TTLL6: variants seen among roughly 807,000 people sequenced by gnomAD.
The protein encoded by TTLL6 is tubulin tyrosine ligase like 6.
In TTLL6, 75 loss-of-function variants were observed where a neutral mutation model predicts 96.4. The observed-to-expected ratio is 0.78, with a 90% CI of 0.65 to 0.94. TTLL6 has a LOEUF of 0.94. TTLL6 is among the 40% of genes least tolerant of loss of function. The pLI is 0.00. For missense variants in TTLL6, 1,030 were observed against 1,093.0 expected (o/e 0.94, Z 0.81); for synonymous variants, 411 against 419.4 (o/e 0.98, Z 0.24).
At chr17:48,792,126 G>A (rs891074494) in intron 8 of TTLL6, among the ~76,000 whole-genome samples, 1 of 152,158 alleles carries the variant, frequency 6.6e-6, no homozygotes. Flanking sequence ...CACAGATAAG[G>A]TTACCAACTG....
At chr17:48,776,498 A>G (rs1303742325) in intron 13 of TTLL6, among the ~76,000 whole-genome samples, 1 of 152,226 alleles carries the variant, frequency 6.6e-6, no homozygotes, top group Admixed American at 6.5e-5. Context: ...AAGATAGTAT[A>G]CATTAATCAT....
intron 15 of TTLL6, among the ~76,000 whole-genome samples, chr17:48,766,424 G>A (rs554957933): frequency 2.0e-5 from 3 of 152,140 alleles, no homozygotes; most frequent in Admixed American, 6.5e-5. Context: ...TAAATTCAAC[G>A]GTCAATGCAG....
In TTLL6 at chr17:48,817,115, C is replaced by T; in HGVS notation, c.-43G>A. 1 of 1,475,850 alleles carries T rather than the reference C, an allele frequency of 6.8e-7. No homozygotes were observed. Among genetic ancestry groups the T allele is most frequent in the Non-Finnish European group, 9.1e-7 (1 of 1,097,578 alleles). The allele number at this position is 1,475,850 out of a possible 1,614,324, so 91.4% of individuals were successfully genotyped here. On this transcript the variant is annotated 5_prime_UTR_variant, in exon 1 of 16. Coordinates refer to ENST00000393382, the MANE Select transcript of TTLL6 (RefSeq NM_001130918.3). ...CAACCCCAACCCGCGCTCGCCCTAA[C>T]TTTGGGTCCGCCCGGCCCTCATATT...
chr17:48,786,020 G>C (rs191899896), intron 12 of TTLL6, 144 bp downstream of exon 12: 1 of 1,247,806 alleles, frequency 8.0e-7, no homozygotes, highest in Non-Finnish European at 1.1e-6. Context: ...AGGGCTCCCC[G>C]CACCGCCCCG....
intron 13 of TTLL6, among the ~76,000 whole-genome samples, chr17:48,775,566 A>G (rs1419272107): frequency 7.0e-6 from 1 of 142,240 alleles, no homozygotes; most frequent in African/African-American, 2.7e-5. Context: ...TTTGAGACAG[A>G]GTTTTGCTCT....
chr17:48,801,336 A>G lies in TTLL6; in HGVS notation c.530T>C (p.Leu177Pro). The G allele has an allele frequency of 6.4e-7, 1 of 1,551,684 alleles. No individual in the cohort carries two copies. Among genetic ancestry groups the G allele is most frequent in the Non-Finnish European group, 8.7e-7 (1 of 1,146,992 alleles). ...GMSEICRKDL[L>P]ARNMSRMLKM... ...TAACATGCGGCTCATGTTCCTGGCC[A>G]GCAAGTCCTTCCGGCAGATTTCACT... The change falls in exon 5 of 16, where the codon CTG becomes CCG. Residue 177 changes from leucine (L) to proline (P), a missense_variant. By Grantham distance (98) the Leu-to-Pro change is moderately conservative (BLOSUM62 -3). Transcript: ENST00000393382.
At chr17:48,809,369 T>G (rs777074758) in intron 1 of TTLL6, among the ~76,000 whole-genome samples, 1 of 152,148 alleles carries the variant, frequency 6.6e-6, no homozygotes, top group African/African-American at 2.4e-5. Context: ...CTAGCTCCAC[T>G]CCCCTAGCCC....
chr17:48,785,644 A>G (rs903408357), intron 12 of TTLL6, among the ~76,000 whole-genome samples: 1 of 152,150 alleles, frequency 6.6e-6, no homozygotes, highest in Non-Finnish European at 1.5e-5. Flanking sequence ...ACCACAGGCC[A>G]GCTGGATAGC....
At chr17:48,798,925 GC>G (rs763374652) in intron 6 of TTLL6, among the ~76,000 whole-genome samples, 3 of 150,750 alleles carry the variant, frequency 2.0e-5, no homozygotes, top group Non-Finnish European at 4.4e-5. Flanking sequence ...CACTTCCCGG[GC>G]TCAAGCAATT....
In TTLL6 at chr17:48,790,046, G is replaced by C. The variant is rs2039189442; in HGVS notation, c.1285C>G (p.Leu429Val). 6.2e-7 allele frequency: 1 copy of C among 1,614,078 alleles called. No homozygotes were observed. The part of the protein sequence containing the change: ...SRLDKEVKDG[L>V]LYDTLVLINL... ...ATCAGGACTAAGGTGTCATACAGCA[G>C]ACCATCTTTCACCTCTTTATCCAAC... Residue 429 changes from leucine (L) to valine (V), a missense_variant, in exon 10 of 16, where the codon CTG becomes GTG. Physicochemically the swap from Leu to Val is conservative, Grantham distance 32. Coordinates refer to ENST00000393382, the MANE Select transcript of TTLL6 (RefSeq NM_001130918.3).
At chr17:48,783,837 T>C (rs1350073660) in intron 13 of TTLL6, among the ~76,000 whole-genome samples, 1 of 152,202 alleles carries the variant, frequency 6.6e-6, no homozygotes, top group Non-Finnish European at 1.5e-5. Context: ...CTTGTATATA[T>C]TCATAAAAAT....
intron 6 of TTLL6, 22 bp from the exon 7 acceptor site, chr17:48,797,226 C>T: frequency 2.6e-6 from 4 of 1,538,888 alleles, no homozygotes; most frequent in Non-Finnish European, 3.5e-6. Flanking sequence ...GAACAGAAGT[C>T]AGACATGCAT....
At chr17:48,816,570 A>G (rs2039670100) in intron 1 of TTLL6, among the ~76,000 whole-genome samples, 1 of 152,170 alleles carries the variant, frequency 6.6e-6, no homozygotes, top group Non-Finnish European at 1.5e-5. Flanking sequence ...GGCCATGAAA[A>G]ATGGGAAGTG....
At chr17:48,782,215 C>T (rs2039000119) in intron 13 of TTLL6, among the ~76,000 whole-genome samples, 1 of 151,378 alleles carries the variant, frequency 6.6e-6, no homozygotes, top group South Asian at 2.1e-4. Flanking sequence ...AAGCGATTCT[C>T]CTGCCTCAGC....
Position 48,801,658 on chromosome 17 carries a change from A to G in TTLL6, c.362-15T>C. ...AGCCCTGCGCACTATTGAAGAAAGA[A>G]AGGCCTATTAGCCCAGGAAGTGGGG... On this transcript the variant is annotated splice_polypyrimidine_tract_variant and intron_variant, in intron 3 of 15. Coordinates refer to ENST00000393382, the MANE Select transcript of TTLL6 (RefSeq NM_001130918.3). 1 of 1,545,544 alleles carries G rather than the reference A, an allele frequency of 6.5e-7. No individual in the cohort carries two copies. The highest frequency in any genetic ancestry group is 8.8e-7 in the Non-Finnish European group (1 of 1,141,618).
At chr17:48,790,368 C>T (rs1309142667) in intron 9 of TTLL6, among the ~76,000 whole-genome samples, 1 of 152,150 alleles carries the variant, frequency 6.6e-6, no homozygotes, top group Non-Finnish European at 1.5e-5. Flanking sequence ...TGTGTGTGTT[C>T]CACTCCATCT....
intron 15 of TTLL6, 133 bp downstream of exon 15, chr17:48,768,856 A>T: frequency 2.0e-6 from 2 of 1,018,570 alleles, no homozygotes; most frequent in Non-Finnish European, 2.9e-6. Flanking sequence ...TCACATTTTT[A>T]CTAAGTCTTC....
intron 3 of TTLL6, among the ~76,000 whole-genome samples, chr17:48,802,078 AAAAGAAAGAAAGAAAGAAAGAAAG>A (rs139321404): frequency 0.036 from 4,312 of 121,408 alleles, 108 homozygotes; most frequent in Middle Eastern, 0.068. Context: ...GAAAGAAAGA[AAAAGAAAGAAAGAAAGAAAGAAAG>A]AAAGAAAGAA....
chr17:48,791,360 T>C lies in TTLL6; in HGVS notation c.1224+18A>G. ...AATAACAGGAGTTCGTTTTCGCCCC[T>C]CGCCCAAACTTCCCTACCTCCAGCA... On this transcript the variant is annotated intron_variant, in intron 9 of 15. Transcript: ENST00000393382. 6.2e-7 allele frequency: 1 copy of C among 1,610,344 alleles called. No individual in the cohort carries two copies. The highest frequency in any genetic ancestry group is 8.5e-7 in the Non-Finnish European group (1 of 1,177,086).
Sources: allele counts gnomAD v4.1 joint callset (sites outside exome capture counted in the v4.1 genomes callset), GRCh38; gene constraint gnomAD v4.1.1; transcripts MANE v1.5; gene names NCBI Gene and HGNC (gene_info 2026-07-23, HGNC 2026-07-21).